Variants in RANBP2 observed in about 807,000 individuals in gnomAD.
RANBP2 encodes RAN binding protein 2.
RANBP2 carries 57 observed loss-of-function variants against 303.6 expected under a neutral mutation model. The observed-to-expected ratio is 0.19, with a 90% CI of 0.15 to 0.23. The LOEUF is 0.23. RANBP2 is among the 10% of genes least tolerant of loss of function. RANBP2 has a pLI of 1.00. For missense variants in RANBP2, 3,138 were observed against 3,780.8 expected, an observed-to-expected ratio of 0.83 and a Z score of 4.46; for synonymous variants, 1,167 against 1,301.5, an observed-to-expected ratio of 0.90 and a Z score of 2.23.
the RANBP2 span, among the ~76,000 whole-genome samples, chr2:108,967,784 A>T: frequency 6.6e-6 from 1 of 152,168 alleles, no homozygotes; most frequent in Admixed American, 6.5e-5. Flanking sequence ...TGAGAGCTTC[A>T]TATGTGGATA....
the RANBP2 span, chr2:109,501,948 G>T: frequency 2.5e-6 from 1 of 396,876 alleles, no homozygotes; most frequent in Admixed American, 3.7e-5. Context: ...AGAGGCAGGT[G>T]CCGGCGCAGG....
the RANBP2 span, among the ~76,000 whole-genome samples, chr2:109,116,737 C>G: frequency 6.6e-6 from 1 of 152,174 alleles, no homozygotes. Context: ...TTTTTCTGCT[C>G]TGTTTTTTCC....
the RANBP2 span, among the ~76,000 whole-genome samples, chr2:109,764,332 C>T: frequency 1.9e-4 from 28 of 146,104 alleles, no homozygotes; most frequent in Admixed American, 2.9e-4. Context: ...CCCTGGTCTT[C>T]CTTCTGTGGT....
chr2:109,325,105 C>T, the RANBP2 span, among the ~76,000 whole-genome samples: 1 of 152,030 alleles, frequency 6.6e-6, no homozygotes, highest in Non-Finnish European at 1.5e-5. Flanking sequence ...CTGACAAGGC[C>T]CAAGAGGTCA....
the RANBP2 span, among the ~76,000 whole-genome samples, chr2:109,287,821 G>A: frequency 2.0e-5 from 3 of 152,172 alleles, no homozygotes; most frequent in Admixed American, 2.0e-4. Context: ...TTAGGGCGCT[G>A]CACTCTCCTG....
intron 17 of RANBP2, 130 bp from the exon 18 acceptor site, chr2:108,758,283 C>T (rs964568874): frequency 1.5e-5 from 21 of 1,399,206 alleles, no homozygotes; most frequent in African/African-American, 3.1e-5. Context: ...GACGACAGAT[C>T]GAGACACCAT....
the RANBP2 span, among the ~76,000 whole-genome samples, chr2:109,550,800 T>TC: frequency 6.6e-3 from 1,008 of 152,292 alleles, 8 homozygotes; most frequent in African/African-American, 0.023. Flanking sequence ...GCAAACCCCT[T>TC]CTTCGTACCC....
the RANBP2 span, among the ~76,000 whole-genome samples, chr2:108,869,256 A>G: frequency 2.6e-5 from 4 of 152,198 alleles, no homozygotes; most frequent in African/African-American, 9.7e-5. Context: ...AGAAAAAGCC[A>G]CATGCAAAAT....
At chr2:108,936,197 G>T in the RANBP2 span, among the ~76,000 whole-genome samples, 22 of 152,396 alleles carry the variant, frequency 1.4e-4, no homozygotes, top group African/African-American at 5.3e-4. Flanking sequence ...TCTGTGGGAA[G>T]CAGCTGAGGC....
the RANBP2 span, among the ~76,000 whole-genome samples, chr2:109,391,840 C>G: frequency 2.6e-5 from 4 of 152,014 alleles, no homozygotes; most frequent in African/African-American, 9.7e-5. Context: ...AAAATATGGT[C>G]TTCTTTTTTT....
chr2:109,461,320 C>G, the RANBP2 span, among the ~76,000 whole-genome samples: 1 of 152,250 alleles, frequency 6.6e-6, no homozygotes, highest in South Asian at 2.1e-4. Context: ...CAAGAACTAT[C>G]TCTCAGAAAG....
At chr2:109,145,917 G>A in the RANBP2 span, among the ~76,000 whole-genome samples, 2 of 152,164 alleles carry the variant, frequency 1.3e-5, no homozygotes, top group African/African-American at 4.8e-5. Context: ...CCTGGAGCCC[G>A]AATGCCTGGG....
chr2:108,927,184 G>T, the RANBP2 span, among the ~76,000 whole-genome samples: 1 of 152,334 alleles, frequency 6.6e-6, no homozygotes, highest in East Asian at 1.9e-4. Flanking sequence ...GGCACGTGCT[G>T]AGGGTGTCTC....
chr2:109,504,934 G>T, the RANBP2 span, among the ~76,000 whole-genome samples: 1 of 152,238 alleles, frequency 6.6e-6, no homozygotes, highest in African/African-American at 2.4e-5. Flanking sequence ...AGGGTCTCCA[G>T]TTCCCCTCTA....
chr2:109,108,325 C>A, the RANBP2 span, among the ~76,000 whole-genome samples: 1 of 152,218 alleles, frequency 6.6e-6, no homozygotes, highest in Non-Finnish European at 1.5e-5. Context: ...AGGTGTAAGC[C>A]ACCATGCCTG....
the RANBP2 span, among the ~76,000 whole-genome samples, chr2:109,600,061 GC>G: frequency 6.6e-6 from 1 of 152,174 alleles, no homozygotes; most frequent in African/African-American, 2.4e-5. Context: ...GGAATCTGCT[GC>G]AGTATAGACC....
the RANBP2 span, among the ~76,000 whole-genome samples, chr2:109,498,182 G>C: frequency 5.8e-4 from 88 of 152,330 alleles, no homozygotes; most frequent in African/African-American, 2.0e-3. Flanking sequence ...CCTGAGAGCA[G>C]AGTCTGGTTC....
At chr2:109,142,618 T>TG in the RANBP2 span, among the ~76,000 whole-genome samples, 1 of 152,076 alleles carries the variant, frequency 6.6e-6, no homozygotes, top group East Asian at 1.9e-4. Context: ...CTGGGTTCTC[T>TG]GGGGGCAGAA....
At chr2:109,232,051 G>A in the RANBP2 span, among the ~76,000 whole-genome samples, 2 of 152,202 alleles carry the variant, frequency 1.3e-5, no homozygotes, top group Admixed American at 1.3e-4. Flanking sequence ...GGACATTTGG[G>A]TTGTTTTCAC....
Sources: allele counts gnomAD v4.1 joint callset (sites outside exome capture counted in the v4.1 genomes callset), GRCh38; gene constraint gnomAD v4.1.1; transcripts MANE v1.5; gene names NCBI Gene and HGNC (gene_info 2026-07-23, HGNC 2026-07-21).